The following TCF4 variants were observed in gnomAD, a reference collection of about 807,000 sequenced individuals.
The protein encoded by TCF4 is transcription factor 4.
TCF4 carries 3 observed loss-of-function variants against 82.1 expected under a neutral mutation model. That is an observed-to-expected ratio of 0.04 (90% CI 0.02 to 0.09). The LOEUF is 0.09. TCF4 is among the 10% of genes least tolerant of loss of function. The probability of loss-of-function intolerance (pLI) is 1.00; values close to 1 mark genes in which losing one functional copy is unlikely to be tolerated. For synonymous variants in TCF4, 276 were observed against 309.6 expected (o/e 0.89, Z 1.14); for missense variants, 518 against 852.7 (o/e 0.61, Z 4.89).
intron 3 of TCF4, among the ~76,000 whole-genome samples, chr18:55,530,564 G>A (rs931580521): frequency 6.7e-6 from 1 of 149,406 alleles, no homozygotes; most frequent in Non-Finnish European, 1.5e-5. Context: ...CCTGAAAAGG[G>A]GGGGGGAAAC....
At chr18:55,331,599 G>T (rs559029629) in intron 8 of TCF4, among the ~76,000 whole-genome samples, 2 of 152,060 alleles carry the variant, frequency 1.3e-5, no homozygotes, top group African/African-American at 4.8e-5. Flanking sequence ...GGAAAAACAC[G>T]ATAGCCAGCT....
At chr18:55,545,292 T>G (rs2097196644) in intron 3 of TCF4, among the ~76,000 whole-genome samples, 1 of 152,206 alleles carries the variant, frequency 6.6e-6, no homozygotes, top group African/African-American at 2.4e-5. Flanking sequence ...TCCACATCCG[T>G]CTATGTAAAC....
At chr18:55,389,178 T>C (rs540548454) in intron 6 of TCF4, among the ~76,000 whole-genome samples, 1 of 152,246 alleles carries the variant, frequency 6.6e-6, no homozygotes, top group East Asian at 1.9e-4. Flanking sequence ...GCATGGTTAA[T>C]TTAAGTCAAG....
At position 55,270,264 on chromosome 18, in the gene TCF4, C is replaced by T. The variant is rs553510962; in HGVS notation, c.790-301G>A. ...CTGCTTAAAATCATCTCCAGGGTTT[C>T]GGCAACATAAAAGACCACTCTACTA... On this transcript the variant is annotated intron_variant, in intron 10 of 19. Coordinates refer to ENST00000354452, the MANE Select transcript of TCF4 (RefSeq NM_001083962.2). 4.1e-4 allele frequency among the ~76,000 whole-genome samples: 62 copies of T among 152,114 alleles called. 2 individuals are homozygous for T. The South Asian group carries it at 0.012, about 29-fold the overall frequency.
At chr18:55,588,210 C>A, upstream of TCF4, 1 of 1,330,110 alleles carries the variant, frequency 7.5e-7, no homozygotes, top group South Asian at 1.8e-5. Context: ...CAGCCAAGAT[C>A]CCTGACTCTT....
At chr18:55,402,904 C>T (rs545816148) in intron 6 of TCF4, among the ~76,000 whole-genome samples, 1 of 152,184 alleles carries the variant, frequency 6.6e-6, no homozygotes, top group Non-Finnish European at 1.5e-5. Flanking sequence ...TCCCTTGAGA[C>T]GGCTTTGCTG....
At chr18:55,452,536 G>T (rs1355302622) in intron 5 of TCF4, 1 of 152,430 alleles carries the variant, frequency 6.6e-6, no homozygotes. Flanking sequence ...GGTGCAGCAG[G>T]AGACACTGGG....
intron 3 of TCF4, among the ~76,000 whole-genome samples, chr18:55,577,141 T>C (rs2097535811): frequency 6.8e-6 from 1 of 146,248 alleles, no homozygotes. Flanking sequence ...TATATATACA[T>C]TTATATATTT....
intron 10 of TCF4, among the ~76,000 whole-genome samples, chr18:55,272,728 C>T (rs139028200): frequency 1.0e-3 from 154 of 152,132 alleles, no homozygotes; most frequent in Non-Finnish European, 1.3e-3. Flanking sequence ...CCATACATGA[C>T]GTCATGTTTA....
intron 3 of TCF4, among the ~76,000 whole-genome samples, chr18:55,539,127 G>A (rs886167129): frequency 1.3e-5 from 2 of 151,906 alleles, no homozygotes; most frequent in African/African-American, 4.8e-5. Flanking sequence ...GGAATTCTGA[G>A]AGGGAATTTA....
At position 55,585,363 on chromosome 18, in the gene TCF4, CAAAG is replaced by C. The variant is rs2097629899; in HGVS notation, c.73-15_73-12del. 6.2e-7 allele frequency: 1 copy of C among 1,612,618 alleles called. No individual in the cohort carries two copies. The highest frequency in any genetic ancestry group is 8.5e-7 in the Non-Finnish European group (1 of 1,178,910). ...AGGAGGTGAAAACATCTAAAAGAAA[CAAAG>C]AAATATTACAGTTGAAAAGAAGACA... On this transcript the variant is annotated splice_polypyrimidine_tract_variant and intron_variant, in intron 2 of 19. Coordinates refer to ENST00000354452, the MANE Select transcript of TCF4 (RefSeq NM_001083962.2).
At chr18:55,530,614 G>C (rs1411131120) in intron 3 of TCF4, among the ~76,000 whole-genome samples, 1 of 151,800 alleles carries the variant, frequency 6.6e-6, no homozygotes, top group Non-Finnish European at 1.5e-5. Flanking sequence ...TGACTGCTTA[G>C]AAAGTTTTTT....
rs189262875 is a variant in TCF4 at position 55,631,347 on chromosome 18, C to T, written c.237G>A (p.Trp79Ter). 3.9e-5 allele frequency: 61 copies of T among 1,548,670 alleles called. No homozygotes were observed. In the African/African-American group the frequency reaches 7.5e-4, roughly 19 times the overall value. ...TACAGGTGTGAGCCACCATGCCCGTCCAAGAGATAATGTTCTTAGATTGGT... is the reference window on the plus strand; with the variant it reads ...TACAGGTGTGAGCCACCATGCCCGTTCAAGAGATAATGTTCTTAGATTGGT... The change falls in exon 2 of 21, where the codon TGG becomes TGA. Residue 79 changes from tryptophan (W) to a stop codon, truncating the protein, a stop_gained. Transcript: ENST00000398339. LOFTEE classifies it high-confidence loss of function.
chr18:55,234,792 C>T, intron 15 of TCF4, 109 bp from the exon 16 acceptor site: 6 of 1,544,598 alleles, frequency 3.9e-6, no homozygotes, highest in Non-Finnish European at 4.4e-6. Flanking sequence ...AACCATACTC[C>T]CAAACGCGTT....
At chr18:55,443,353 G>A (rs538394381) in intron 5 of TCF4, among the ~76,000 whole-genome samples, 2 of 152,222 alleles carry the variant, frequency 1.3e-5, no homozygotes, top group South Asian at 2.1e-4. Flanking sequence ...AGTCTAATAT[G>A]GGCATTCCTT....
intron 3 of TCF4, chr18:55,492,068 T>C (rs1381580866): frequency 1.3e-5 from 2 of 152,192 alleles, no homozygotes; most frequent in African/African-American, 4.8e-5. Flanking sequence ...GAGAAATCAA[T>C]AACTTCTCAG....
intron 2 of TCF4, among the ~76,000 whole-genome samples, chr18:55,607,123 C>T (rs191582665): frequency 6.6e-6 from 1 of 152,192 alleles, no homozygotes; most frequent in Admixed American, 6.5e-5. Flanking sequence ...ATAAAAGTTA[C>T]GTTCAGATTT....
At chr18:55,456,699 A>G (rs1362656642) in intron 5 of TCF4, among the ~76,000 whole-genome samples, 1 of 152,186 alleles carries the variant, frequency 6.6e-6, no homozygotes, top group Non-Finnish European at 1.5e-5. Flanking sequence ...CAAAGGAAAA[A>G]AAAGTTTTTT....
At chr18:55,233,791 C>T (rs2048553171) in intron 16 of TCF4, among the ~76,000 whole-genome samples, 1 of 147,820 alleles carries the variant, frequency 6.8e-6, no homozygotes, top group East Asian at 2.0e-4. Flanking sequence ...TGTACTCCAG[C>T]CTGGGCGACA....
Sources: allele counts gnomAD v4.1 joint callset (sites outside exome capture counted in the v4.1 genomes callset), GRCh38; gene constraint gnomAD v4.1.1; transcripts MANE v1.5; gene names NCBI Gene and HGNC (gene_info 2026-07-23, HGNC 2026-07-21).